NR6A1: variants seen among roughly 807,000 people sequenced by gnomAD.
The protein encoded by NR6A1 is retinoic acid receptor-related testis-associated receptor.
Under a neutral mutation model 59.1 loss-of-function variants are expected in NR6A1, and 7 were observed. The observed-to-expected ratio is 0.12, with a 90% confidence interval of 0.07 to 0.22. The LOEUF (loss-of-function observed/expected upper bound fraction) is 0.22. Among genes scored for constraint, NR6A1 ranks in the 10% least tolerant of loss-of-function variants. NR6A1 has a pLI of 1.00. For synonymous variants in NR6A1, 243 were observed against 236.1 expected (o/e 1.03, Z -0.27); for missense variants, 468 against 611.6 (o/e 0.77, Z 2.48).
chr9:124,727,759 A>T (rs534749847), intron 2 of NR6A1, among the ~76,000 whole-genome samples: 90 of 152,154 alleles, frequency 5.9e-4, no homozygotes, highest in Non-Finnish European at 1.0e-3. Context: ...ATCTTGGTTC[A>T]CTGCAACCTC....
chr9:124,556,386 G>A (rs1457567161), intron 2 of NR6A1, among the ~76,000 whole-genome samples: 1 of 152,044 alleles, frequency 6.6e-6, no homozygotes, highest in Non-Finnish European at 1.5e-5. Flanking sequence ...AAGAGGCAAG[G>A]AACCGATTCT....
At chr9:124,721,133 A>C (rs1030527060) in intron 2 of NR6A1, among the ~76,000 whole-genome samples, 3 of 152,200 alleles carry the variant, frequency 2.0e-5, no homozygotes, top group South Asian at 2.1e-4. Context: ...CCAGACTTAG[A>C]TATTCAAGCA....
chr9:124,770,290 G>A (rs1019858021), intron 1 of NR6A1: 1 of 152,792 alleles, frequency 6.5e-6, no homozygotes, highest in African/African-American at 2.4e-5. Flanking sequence ...GCCAGAGCGC[G>A]CGGGGCGTTG....
intron 1 of NR6A1, among the ~76,000 whole-genome samples, chr9:124,742,516 C>A (rs374184932): frequency 1.9e-3 from 289 of 151,704 alleles, no homozygotes; most frequent in African/African-American, 6.4e-3. Flanking sequence ...GCCGAGATCG[C>A]ACCACTGCAC....
chr9:124,547,133 A>G (rs1200521761), intron 3 of NR6A1, among the ~76,000 whole-genome samples: 2 of 152,264 alleles, frequency 1.3e-5, no homozygotes, highest in Non-Finnish European at 2.9e-5. Flanking sequence ...ATCTAAGTCT[A>G]AGAAAGAGAA....
At chr9:124,563,225 A>C (rs73669206) in intron 2 of NR6A1, among the ~76,000 whole-genome samples, 1 of 152,384 alleles carries the variant, frequency 6.6e-6, no homozygotes, top group African/African-American at 2.4e-5. Flanking sequence ...GAAAAAAATG[A>C]AATGAAAAAT....
At chr9:124,647,588 C>T (rs1323822466) in intron 2 of NR6A1, among the ~76,000 whole-genome samples, 2 of 151,618 alleles carry the variant, frequency 1.3e-5, no homozygotes, top group South Asian at 2.1e-4. Context: ...ATTAGCTGGG[C>T]GTGGTGGCAC....
At chr9:124,612,774 T>A (rs1835786660) in intron 2 of NR6A1, among the ~76,000 whole-genome samples, 1 of 151,180 alleles carries the variant, frequency 6.6e-6, no homozygotes. Flanking sequence ...AAGTAGTAGT[T>A]TGGGTTTTTC....
At chr9:124,544,628 AGT>A (rs1833545669) in intron 3 of NR6A1, among the ~76,000 whole-genome samples, 1 of 152,202 alleles carries the variant, frequency 6.6e-6, no homozygotes, top group African/African-American at 2.4e-5. Context: ...TTGAGCGAAC[AGT>A]GTACAAAAAA....
chr9:124,707,013 T>C (rs1350941093), intron 2 of NR6A1, among the ~76,000 whole-genome samples: 1 of 152,214 alleles, frequency 6.6e-6, no homozygotes, highest in African/African-American at 2.4e-5. Context: ...TTATCATACT[T>C]GGCGTTTATT....
chr9:124,525,412 T>C (rs1283923257), intron 8 of NR6A1, among the ~76,000 whole-genome samples: 1 of 151,928 alleles, frequency 6.6e-6, no homozygotes, highest in Non-Finnish European at 1.5e-5. Context: ...TCACCTAGGC[T>C]GGAGTGCAGT....
intron 2 of NR6A1, among the ~76,000 whole-genome samples, chr9:124,583,650 T>C (rs1371334595): frequency 1.3e-5 from 2 of 152,188 alleles, no homozygotes; most frequent in Admixed American, 1.3e-4. Flanking sequence ...TTCTGTCCTA[T>C]ATGAGTCTTA....
At chr9:124,586,939 C>G (rs149299486) in intron 2 of NR6A1, among the ~76,000 whole-genome samples, 4 of 152,316 alleles carry the variant, frequency 2.6e-5, no homozygotes, top group African/African-American at 9.6e-5. Flanking sequence ...GAAAGAGGTT[C>G]TACTGTGAAT....
rs11351242 is a variant in NR6A1 at position 124,705,782 on chromosome 9, C to CTT, written c.142+27524_142+27525dup. On this transcript the variant is annotated intron_variant, in intron 2 of 9. Coordinates refer to ENST00000487099, the MANE Select transcript of NR6A1 (RefSeq NM_033334.4). ...TTAGGGTACACCATTTCAATCCCCCCTTTTTTTTTTTTTGACAGAGTCTCA... is the reference window on the plus strand; with the variant it reads ...TTAGGGTACACCATTTCAATCCCCCCTTTTTTTTTTTTTTTGACAGAGTCTCA... Among the ~76,000 whole-genome samples, 6 of 145,786 alleles carry CTT rather than the reference C, an allele frequency of 4.1e-5. No homozygotes were observed. In the South Asian group the frequency reaches 1.3e-3, roughly 32 times the overall value.
chr9:124,614,396 G>C (rs182964355), intron 2 of NR6A1, among the ~76,000 whole-genome samples: 1 of 152,320 alleles, frequency 6.6e-6, no homozygotes, highest in African/African-American at 2.4e-5. Context: ...TTCAAAGTTA[G>C]AGAATTTATT....
At chr9:124,745,810 T>C (rs1231715502) in intron 1 of NR6A1, among the ~76,000 whole-genome samples, 2 of 149,670 alleles carry the variant, frequency 1.3e-5, no homozygotes, top group Non-Finnish European at 3.0e-5. Context: ...GGAAACTCCA[T>C]CTCTACTAAA....
chr9:124,592,459 G>A (rs188985886), intron 2 of NR6A1, among the ~76,000 whole-genome samples: 1 of 152,202 alleles, frequency 6.6e-6, no homozygotes, highest in African/African-American at 2.4e-5. Flanking sequence ...AGAATCAATT[G>A]TGTCAAGGAG....
At chr9:124,765,897 A>C (rs1228528270) in intron 1 of NR6A1, among the ~76,000 whole-genome samples, 2 of 152,206 alleles carry the variant, frequency 1.3e-5, no homozygotes, top group Non-Finnish European at 2.9e-5. Flanking sequence ...TTTCTCCGCC[A>C]TACTGAAAAA....
chr9:124,620,760 G>A (rs1011959451), intron 2 of NR6A1, among the ~76,000 whole-genome samples: 5 of 150,964 alleles, frequency 3.3e-5, no homozygotes, highest in Admixed American at 6.6e-5. Context: ...ACCAAACATC[G>A]CTCAACTGTA....
Sources: allele counts gnomAD v4.1 joint callset (sites outside exome capture counted in the v4.1 genomes callset), GRCh38; gene constraint gnomAD v4.1.1; transcripts MANE v1.5; gene names NCBI Gene and HGNC (gene_info 2026-07-23, HGNC 2026-07-21).